Variants in TRIM5 observed in about 807,000 individuals in gnomAD.
The protein encoded by TRIM5 is tripartite motif-containing protein 5.
Under a neutral mutation model 35.6 loss-of-function variants are expected in TRIM5, and 31 were observed. That is an observed-to-expected ratio of 0.87 (90% CI 0.65 to 1.18). The LOEUF (loss-of-function observed/expected upper bound fraction) is 1.18, where lower values mean the gene tolerates loss of function less well. Among genes scored for constraint, TRIM5 ranks in the 50% most tolerant of loss-of-function variants. The probability of loss-of-function intolerance (pLI) is 0.00; values close to 1 mark genes in which losing one functional copy is unlikely to be tolerated. For synonymous variants in TRIM5, 243 were observed against 215.6 expected (o/e 1.13, Z -1.11); for missense variants, 609 against 591.6 (o/e 1.03, Z -0.31).
At chr11:5,611,504 A>T in the TRIM5 span, 2 of 668,824 alleles carry the variant, frequency 3.0e-6, no homozygotes, top group South Asian at 2.0e-5. Flanking sequence ...CCCAGGCTGG[A>T]GTGCACTGGC....
the TRIM5 span, among the ~76,000 whole-genome samples, chr11:5,601,769 A>C: frequency 3.3e-5 from 5 of 152,080 alleles, no homozygotes; most frequent in East Asian, 3.9e-4. Flanking sequence ...ACAACAACAA[A>C]AAAATTACCA....
Position 5,664,561 on chromosome 11 carries a change from G to C in TRIM5, c.*248C>G. 1.4e-5 allele frequency: 17 copies of C among 1,212,440 alleles called. No individual in the cohort carries two copies. The highest frequency in any genetic ancestry group is 1.7e-5 in the Non-Finnish European group (17 of 973,604). 75.1% of individuals were successfully genotyped at this position (1,212,440 alleles called of 1,614,324 possible). ...CCTAAATAGCGGTCTCATTTTATGA[G>C]GTATAGGTCAGTTTTCCTTAGGAGT... On this transcript the variant is annotated 3_prime_UTR_variant, in exon 8 of 8. Coordinates refer to ENST00000380034, the MANE Select transcript of TRIM5 (RefSeq NM_033034.3).
At chr11:5,647,418 G>A in the TRIM5 span, among the ~76,000 whole-genome samples, 1 of 152,044 alleles carries the variant, frequency 6.6e-6, no homozygotes, top group Non-Finnish European at 1.5e-5. Context: ...CACAAGGAAG[G>A]ATCTGTTCTC....
At chr11:5,596,676 C>A in the TRIM5 span, 1 of 645,646 alleles carries the variant, frequency 1.5e-6, no homozygotes, top group South Asian at 1.9e-5. Context: ...AACTCCTGAC[C>A]TGTGGGTCCG....
chr11:5,610,970 T>C, the TRIM5 span: 2 of 1,614,166 alleles, frequency 1.2e-6, no homozygotes, highest in Non-Finnish European at 1.7e-6. Flanking sequence ...CCAAGAAGAC[T>C]GCCTGGATCC....
chr11:5,679,075 T>A lies in TRIM5; in HGVS notation c.512A>T (p.Lys171Met). 2 of 1,613,728 alleles carry A rather than the reference T, an allele frequency of 1.2e-6. No homozygotes were observed. Among genetic ancestry groups the A allele is most frequent in the South Asian group, 1.1e-5 (1 of 91,064 alleles). Residue 171 changes from lysine to methionine, a missense_variant and splice_region_variant, in exon 3 of 8, where the codon AAG (lysine) becomes ATG (methionine). Coordinates refer to ENST00000380034, the MANE Select transcript of TRIM5 (RefSeq NM_033034.3). ...ADIREEKASW[K>M]TQIQYDKTNV... ...CCTTCGGGAACCACATCCTCTTGCC[T>A]TCCAGGAAGCTTTCTCTTCTCTGAT... is the stretch of plus-strand genomic sequence containing the variant.
the TRIM5 span, chr11:5,655,771 T>C: frequency 1.3e-6 from 1 of 791,980 alleles, no homozygotes. Context: ...CATTCAGTGC[T>C]ACATTTTAAT....
At chr11:5,641,437 A>G in the TRIM5 span, 1 of 985,140 alleles carries the variant, frequency 1.0e-6, no homozygotes, top group Non-Finnish European at 1.4e-6. Flanking sequence ...ATTAAGGATG[A>G]GAGCTTTTAC....
Position 5,664,825 on chromosome 11 carries a change from C to A in TRIM5, c.1466G>T (p.Cys489Phe), listed in dbSNP as rs766028886. The A allele has an allele frequency of 8.8e-6, 14 of 1,598,008 alleles. No individual in the cohort carries two copies. In the South Asian group the frequency reaches 1.1e-4, roughly 13 times the overall value. The change falls in exon 8 of 8, where the codon TGC (cysteine) becomes TTC (phenylalanine). Residue 489 changes from cysteine (C) to phenylalanine (F), a missense_variant. Cys to Phe is a radical substitution (Grantham distance 205). Coordinates refer to ENST00000380034, the MANE Select transcript of TRIM5 (RefSeq NM_033034.3). ...PRKCGVPMTL[C>F]SPSS ...TAAGAAGGTTCAAGAGCTTGGTGAG[C>A]ACAGAGTCATGGGGACTCCACATTT... is the stretch of plus-strand genomic sequence containing the variant.
chr11:5,642,142 G>A, the TRIM5 span, among the ~76,000 whole-genome samples: 1 of 152,278 alleles, frequency 6.6e-6, no homozygotes, highest in South Asian at 2.1e-4. Context: ...TATCAAAGGA[G>A]GGTTTAATTA....
At chr11:5,643,125 A>ATTTTTT in the TRIM5 span, 5 of 974,266 alleles carry the variant, frequency 5.1e-6, no homozygotes, top group African/African-American at 2.1e-5. Flanking sequence ...ATATATATAT[A>ATTTTTT]TTTTTTTTTT....
At chr11:5,621,026 G>A in the TRIM5 span, among the ~76,000 whole-genome samples, 2 of 152,176 alleles carry the variant, frequency 1.3e-5, no homozygotes, top group Admixed American at 6.5e-5. Flanking sequence ...TGGGGGAAGC[G>A]ATTCCAAGTT....
the TRIM5 span, chr11:5,603,474 A>C: frequency 6.2e-7 from 1 of 1,614,098 alleles, no homozygotes; most frequent in Non-Finnish European, 8.5e-7. Flanking sequence ...AAGGGGAAAG[A>C]AGCTGCCCTG....
At chr11:5,594,769 C>T in the TRIM5 span, among the ~76,000 whole-genome samples, 3 of 152,054 alleles carry the variant, frequency 2.0e-5, no homozygotes, top group East Asian at 3.9e-4. Flanking sequence ...TATTTCTAAC[C>T]CTCTGGGTGT....
chr11:5,665,673 T>G lies in TRIM5; in HGVS notation c.878A>C (p.Asp293Ala), dbSNP rs1420193036. Residue 293 changes from aspartate to alanine, a missense_variant, in exon 7 of 8, where the codon GAT becomes GCT. Transcript: ENST00000380034. ...GMLEVFRELT[D>A]VRRYWVDVTV... ...CTCCTTACCCCAGTAGCGTCGGACA[T>G]CTGTCAGCTCTGAAATGATAAAAAT... 7.2e-6 allele frequency: 11 copies of G among 1,522,702 alleles called. No homozygotes were observed. The highest frequency in any genetic ancestry group is 9.6e-6 in the Non-Finnish European group (11 of 1,144,406). The allele number at this position is 1,522,702 out of a possible 1,614,324, so 94.3% of individuals were successfully genotyped here. A position where few individuals can be genotyped will look rare whatever the true frequency, so the allele number is the denominator to read the frequency against.
chr11:5,599,482 C>G, the TRIM5 span, among the ~76,000 whole-genome samples: 2 of 152,112 alleles, frequency 1.3e-5, no homozygotes, highest in African/African-American at 4.8e-5. Flanking sequence ...CGACTCACTG[C>G]AAGCTCCACC....
At chr11:5,593,052 C>T in the TRIM5 span, among the ~76,000 whole-genome samples, 1 of 151,976 alleles carries the variant, frequency 6.6e-6, no homozygotes, top group Non-Finnish European at 1.5e-5. Context: ...GTTTGATGAT[C>T]AGAAGCATCT....
chr11:5,663,561 T>A lies in TRIM5; in HGVS notation c.*1248A>T. ...TATTAGATCAAGACACTTAGATAGA[T>A]GCTTTATACTTCAGGAATTTATTTT... On this transcript the variant is annotated 3_prime_UTR_variant, in exon 8 of 8. Coordinates refer to ENST00000380034, the MANE Select transcript of TRIM5 (RefSeq NM_033034.3). 1 of 972,000 alleles carries A rather than the reference T, an allele frequency of 1.0e-6. No homozygotes were observed. 60.2% of individuals were successfully genotyped at this position (972,000 alleles called of 1,614,324 possible).
chr11:5,654,681 C>A, the TRIM5 span, among the ~76,000 whole-genome samples: 1 of 151,984 alleles, frequency 6.6e-6, no homozygotes, highest in African/African-American at 2.4e-5. Flanking sequence ...AAACACTATG[C>A]GGCACAGGAA....
Sources: allele counts gnomAD v4.1 joint callset (sites outside exome capture counted in the v4.1 genomes callset), GRCh38; gene constraint gnomAD v4.1.1; transcripts MANE v1.5; gene names NCBI Gene and HGNC (gene_info 2026-07-23, HGNC 2026-07-21).